The following SCN4A variants were observed in gnomAD, a reference collection of about 807,000 sequenced individuals.
SCN4A encodes sodium voltage-gated channel alpha subunit 4.
SCN4A carries 83 observed loss-of-function variants against 162.0 expected under a neutral mutation model. The observed-to-expected ratio is 0.51, with a 90% CI of 0.43 to 0.61. The LOEUF (loss-of-function observed/expected upper bound fraction) is 0.61, where lower values mean the gene tolerates loss of function less well. Ranked by LOEUF, SCN4A falls within the 20% of genes least tolerant of loss-of-function variation. SCN4A has a pLI of 0.00. For synonymous variants in SCN4A, 944 were observed against 985.1 expected (o/e 0.96, Z 0.78); for missense variants, 2,196 against 2,462.5 (o/e 0.89, Z 2.29).
intron 5 of SCN4A, among the ~76,000 whole-genome samples, chr17:63,970,882 C>G (rs1469535263): frequency 6.6e-6 from 1 of 152,206 alleles, no homozygotes; most frequent in African/African-American, 2.4e-5. Context: ...GATCCACTTG[C>G]CTTGGCCTCC....
rs2143027485 is a variant in SCN4A, at chr17:63,972,659, G to C, written c.183C>G (p.Gly61=). 6.2e-7 allele frequency: 1 copy of C among 1,612,982 alleles called. No individual in the cohort carries two copies. Among genetic ancestry groups the C allele is most frequent in the South Asian group, 1.1e-5 (1 of 90,834 alleles). The change falls in exon 1 of 24, where the codon GGC becomes GGG. Residue 61 remains glycine, a synonymous_variant. Coordinates refer to ENST00000435607, the MANE Select transcript of SCN4A (RefSeq NM_000334.4). This position sits in a 1 kb window ranked among gnomAD's most constrained non-coding sequence, Gnocchi z 4.3. ...ERKPRSDLEA[G]KNLPMIYGDP... ...CTCCGTAGATCATGGGTAGGTTCTT[G>C]CCAGCCTCCAAGTCACTTCGTGGCT...
rs1428437298 is a variant in SCN4A, at chr17:63,945,696, C to A, written c.3442-58G>T. 6.3e-7 allele frequency: 1 copy of A among 1,581,970 alleles called. No homozygotes were observed. Among genetic ancestry groups the A allele is most frequent in the Non-Finnish European group, 8.7e-7 (1 of 1,154,596 alleles). ...TCCCAGCCTCTGAGAGAGGGCTCCA[C>A]ATCTCTACGCCACCCAGGGGACCAG... On this transcript the variant is annotated intron_variant, in intron 18 of 23. Transcript: ENST00000435607. The surrounding 1 kb of genome is among the most constrained non-coding windows in gnomAD (Gnocchi z 4.4).
chr17:63,956,932 G>A (rs1909086320), intron 13 of SCN4A, among the ~76,000 whole-genome samples: 1 of 152,258 alleles, frequency 6.6e-6, no homozygotes, highest in African/African-American at 2.4e-5. Context: ...CCCAGGCCTA[G>A]GCCCAGAGCT....
Position 63,966,218 on chromosome 17 carries a change from T to G in SCN4A, c.1126A>C (p.Ile376Leu). Residue 376 changes from isoleucine (I) to leucine (L), a missense_variant, in exon 8 of 24, where the codon ATC becomes CTC. Physicochemically the swap from Ile to Leu is conservative, Grantham distance 5 (BLOSUM62 2). Coordinates refer to ENST00000435607, the MANE Select transcript of SCN4A (RefSeq NM_000334.4). ...AGHCPEGYEC[I>L]KTGRNPNYGY... ...TAGTTGGGGTTCCGCCCGGTCTTGA[T>G]GCACTCATAACCCTCAGGGCAGTGC... 6.2e-7 allele frequency: 1 copy of G among 1,604,422 alleles called. No individual in the cohort carries two copies. Among genetic ancestry groups the G allele is most frequent in the Non-Finnish European group, 8.5e-7 (1 of 1,175,586 alleles).
intron 13 of SCN4A, among the ~76,000 whole-genome samples, chr17:63,952,468 CCTT>C (rs752606062): frequency 6.6e-6 from 1 of 152,132 alleles, no homozygotes; most frequent in Non-Finnish European, 1.5e-5. Context: ...CCATGACTGT[CCTT>C]TACCTCCACT....
At chr17:63,942,258 GGTGTGTGTGTGTGTGTGTGT>G (rs58036769) in intron 23 of SCN4A, among the ~76,000 whole-genome samples, 3 of 138,656 alleles carry the variant, frequency 2.2e-5, no homozygotes, top group African/African-American at 9.4e-5. Context: ...AAATGCCACT[GGTGTGTGTGTGTGTGTGTGT>G]GTGTGTGTGT....
chr17:63,947,009 T>TACCCC, intron 18 of SCN4A, 36 bp downstream of exon 18: 5 of 716,368 alleles, frequency 7.0e-6, no homozygotes, highest in Non-Finnish European at 9.4e-6. Context: ...CGGTCCCCCA[T>TACCCC]CCCCAGCCCA....
chr17:63,967,341 C>T (rs566956146), intron 6 of SCN4A, among the ~76,000 whole-genome samples: 10 of 151,840 alleles, frequency 6.6e-5, no homozygotes, highest in South Asian at 6.2e-4. Context: ...TTGGTAGAGA[C>T]GGGGTTTCAC....
intron 15 of SCN4A, 80 bp from the exon 16 acceptor site, chr17:63,948,845 C>T (rs1003416052): frequency 4.2e-5 from 56 of 1,319,776 alleles, no homozygotes; most frequent in Middle Eastern, 2.1e-4. Context: ...CAGCGCCCTC[C>T]CATGGCATCC....
At chr17:63,963,939 G>A in intron 9 of SCN4A, 114 bp from the exon 10 acceptor site, 1 of 1,061,810 alleles carries the variant, frequency 9.4e-7, no homozygotes, top group African/African-American at 1.6e-5. Flanking sequence ...CCTCTTCCTG[G>A]CCTGTGTCAA....
At chr17:63,964,703 A>T (rs1011777912) in intron 8 of SCN4A, 26 bp from the exon 9 acceptor site, 3 of 1,578,688 alleles carry the variant, frequency 1.9e-6, no homozygotes, top group Non-Finnish European at 2.6e-6. Context: ...GAGGGAGTGG[A>T]GGGGTCCCAT....
At chr17:63,960,415 G>C (rs1567824303) in intron 11 of SCN4A, among the ~76,000 whole-genome samples, 1 of 152,174 alleles carries the variant, frequency 6.6e-6, no homozygotes, top group African/African-American at 2.4e-5. Flanking sequence ...TTTGATTCTC[G>C]TGCCACCCAC....
Position 63,957,466 on chromosome 17 carries a change from T to C in SCN4A, c.2072A>G (p.Lys691Arg), listed in dbSNP as rs751265281. 6.8e-6 allele frequency: 11 copies of C among 1,613,942 alleles called. No individual in the cohort carries two copies. The highest frequency in any genetic ancestry group is 8.5e-6 in the Non-Finnish European group (10 of 1,179,878). ...CGCCCCCACTGAATTGCCAATGATC[T>C]TGATGAGCATGTTCAGCGTTGGCCA... Reference protein sequence around the residue: ...KSWPTLNMLIKIIGNSVGALG... With the variant: ...KSWPTLNMLIRIIGNSVGALG... The change falls in exon 13 of 24, where the codon AAG becomes AGG. Residue 691 changes from lysine to arginine, a missense_variant. Physicochemically the swap from Lys to Arg is conservative, Grantham distance 26 (BLOSUM62 2). Transcript: ENST00000435607.
chr17:63,942,074 G>T lies in SCN4A; in HGVS notation c.4289-81C>A, dbSNP rs952434942. The T allele has an allele frequency of 2.7e-5, 36 of 1,335,852 alleles. No individual in the cohort carries two copies. In the South Asian group the frequency reaches 2.7e-4, roughly 10 times the overall value. The allele number at this position is 1,335,852 out of a possible 1,614,324, so 82.7% of individuals were successfully genotyped here. On this transcript the variant is annotated intron_variant, in intron 23 of 23. Coordinates refer to ENST00000435607, the MANE Select transcript of SCN4A (RefSeq NM_000334.4). ...TGTGGGGAGCATGCGGGGCTCAGGGGGCCCGGCCTGGTGTGCTCTGCTCAA... is the reference window on the plus strand; with the variant it reads ...TGTGGGGAGCATGCGGGGCTCAGGGTGCCCGGCCTGGTGTGCTCTGCTCAA...
In SCN4A at chr17:63,957,399, G is replaced by T. The variant is rs774664433; in HGVS notation, c.2139C>A (p.Ile713=). Residue 713 remains isoleucine (I), a synonymous_variant, in exon 13 of 24, where the codon ATC becomes ATA. Coordinates refer to ENST00000435607, the MANE Select transcript of SCN4A (RefSeq NM_000334.4). ...LTLVLAIIVF[I]FAVVGMQLFG... is the part of the protein sequence containing the mutation. ...ACAGCTGCATGCCCACCACGGCGAA[G>T]ATGAACACGATGATAGCCAGCACCA... 1.2e-6 allele frequency: 2 copies of T among 1,614,110 alleles called. No individual in the cohort carries two copies. The highest frequency in any genetic ancestry group is 2.2e-5 in the South Asian group (2 of 91,082).
At chr17:63,967,124 T>C (rs1330450351) in intron 6 of SCN4A, among the ~76,000 whole-genome samples, 3 of 151,990 alleles carry the variant, frequency 2.0e-5, no homozygotes, top group East Asian at 1.9e-4. Context: ...GTAGGAACTA[T>C]AGACTCTTGC....
chr17:63,969,863 A>G (rs2144811956), intron 5 of SCN4A, among the ~76,000 whole-genome samples: 1 of 152,018 alleles, frequency 6.6e-6, no homozygotes, highest in Admixed American at 6.6e-5. Context: ...GGCTGGTCTC[A>G]GAGTCCTGAC....
Position 63,944,265 on chromosome 17 carries a change from G to A in SCN4A, c.3912+408C>T, listed in dbSNP as rs2144777902. Among the ~76,000 whole-genome samples the A allele has an allele frequency of 6.6e-6, 1 of 152,204 alleles. No homozygotes were observed. The highest frequency in any genetic ancestry group is 1.5e-5 in the Non-Finnish European group (1 of 68,016). On this transcript the variant is annotated intron_variant, in intron 21 of 23. Coordinates refer to ENST00000435607, the MANE Select transcript of SCN4A (RefSeq NM_000334.4). This position sits in a 1 kb window ranked among gnomAD's most constrained non-coding sequence, Gnocchi z 4.3. Reference sequence around the variant, plus strand: ...AGCGATTCTCCTGCCTCAGCCTCCTGAGTAGCTGGGATTACAGATGCCTGC... The same window carrying A: ...AGCGATTCTCCTGCCTCAGCCTCCTAAGTAGCTGGGATTACAGATGCCTGC...
intron 8 of SCN4A, 86 bp from the exon 9 acceptor site, chr17:63,964,763 G>A (rs866338845): frequency 1.2e-5 from 12 of 1,018,440 alleles, no homozygotes; most frequent in Admixed American, 1.0e-4. Flanking sequence ...TCCATTGCCC[G>A]CATGGGTAAG....
Sources: gnomAD v4.1 joint callset for allele counts (sites outside exome capture counted in the v4.1 genomes callset) on GRCh38, gnomAD v4.1.1 for gene constraint, Gnocchi (gnomAD v3.1) non-coding constraint, MANE v1.5 for transcripts, NCBI Gene and HGNC (gene_info 2026-07-23, HGNC 2026-07-21) for gene names.